The following RSF1 variants were observed in gnomAD, a reference collection of about 807,000 sequenced individuals.
RSF1 encodes HBV pX-associated protein 8.
Under a neutral mutation model 145.2 loss-of-function variants are expected in RSF1, and 13 were observed. The observed-to-expected ratio is 0.09, with a 90% CI of 0.06 to 0.14. The LOEUF (loss-of-function observed/expected upper bound fraction) is 0.14, where lower values mean the gene tolerates loss of function less well. RSF1 is among the 10% of genes least tolerant of loss of function. The probability of loss-of-function intolerance (pLI) is 1.00; values close to 1 mark genes in which losing one functional copy is unlikely to be tolerated. For missense variants in RSF1, 1,517 were observed against 1,718.2 expected (o/e 0.88, Z 2.07); for synonymous variants, 577 against 592.6 (o/e 0.97, Z 0.38).
chr11:77,770,120 A>C (rs182742695), intron 1 of RSF1, among the ~76,000 whole-genome samples: 1 of 152,200 alleles, frequency 6.6e-6, no homozygotes, highest in Non-Finnish European at 1.5e-5. Context: ...AAAAGCAAAG[A>C]AACAGCTCAA....
intron 1 of RSF1, among the ~76,000 whole-genome samples, chr11:77,802,994 G>A (rs1948640980): frequency 6.6e-6 from 1 of 152,106 alleles, no homozygotes; most frequent in Admixed American, 6.6e-5. Context: ...CTAGCAAACT[G>A]AATTCAGCAA....
intron 1 of RSF1, among the ~76,000 whole-genome samples, chr11:77,769,457 C>T (rs1948260408): frequency 6.6e-6 from 1 of 152,180 alleles, no homozygotes; most frequent in Admixed American, 6.6e-5. Flanking sequence ...ACTGAAATAT[C>T]CTCTACCTTT....
rs989430298 is a variant in RSF1, at chr11:77,734,468, C to A, written c.578+6263G>T. Reference sequence around the variant, plus strand: ...CACCCCACGGCTACGGGGAAATTAGCCGAGGCTTAGCTTTCATTATCACTG... The same window carrying A: ...CACCCCACGGCTACGGGGAAATTAGACGAGGCTTAGCTTTCATTATCACTG... On this transcript the variant is annotated intron_variant, in intron 4 of 15. Coordinates refer to ENST00000308488, the MANE Select transcript of RSF1 (RefSeq NM_016578.4). 2.5e-6 allele frequency: 4 copies of A among 1,584,548 alleles called. No homozygotes were observed. The African/African-American group carries it at 5.4e-5, about 21-fold the overall frequency.
chr11:77,690,588 T>C (rs1960127730), intron 9 of RSF1, among the ~76,000 whole-genome samples: 1 of 152,168 alleles, frequency 6.6e-6, no homozygotes, highest in South Asian at 2.1e-4. Flanking sequence ...TGCGACACCA[T>C]GCCCAGCTGA....
chr11:77,742,455 T>A (rs889758100), intron 3 of RSF1, among the ~76,000 whole-genome samples: 1 of 152,146 alleles, frequency 6.6e-6, no homozygotes, highest in Non-Finnish European at 1.5e-5. Context: ...AATTTTTGTA[T>A]TTTTAGTAGA....
intron 2 of RSF1, among the ~76,000 whole-genome samples, chr11:77,749,792 A>T (rs187271946): frequency 6.6e-6 from 1 of 152,306 alleles, no homozygotes; most frequent in Non-Finnish European, 1.5e-5. Context: ...TCTGTCGCCC[A>T]GGCTGGAGTG....
upstream of RSF1, among the ~76,000 whole-genome samples, chr11:77,825,201 C>G (rs1475369158): frequency 6.6e-6 from 1 of 151,924 alleles, no homozygotes; most frequent in Non-Finnish European, 1.5e-5. Context: ...CCAGGATGGT[C>G]TCGATCTCCT....
At chr11:77,869,847 G>C in the RSF1 span, 1 of 1,593,830 alleles carries the variant, frequency 6.3e-7, no homozygotes, top group Non-Finnish European at 8.6e-7. Context: ...GCATTCCTGA[G>C]GACAGGTGGG....
At chr11:77,775,504 T>C (rs112093087) in intron 1 of RSF1, among the ~76,000 whole-genome samples, 7 of 152,204 alleles carry the variant, frequency 4.6e-5, no homozygotes, top group African/African-American at 1.4e-4. Context: ...AATGCTCCCA[T>C]GGACATCTGT....
At chr11:77,679,878 C>A (rs1959812422) in intron 11 of RSF1, among the ~76,000 whole-genome samples, 1 of 152,024 alleles carries the variant, frequency 6.6e-6, no homozygotes, top group African/African-American at 2.4e-5. Flanking sequence ...TATAAAATGC[C>A]TTTTACTTCA....
Position 77,700,951 on chromosome 11 carries a change from C to G in RSF1, c.2278G>C (p.Glu760Gln). ...TTCTCCTCTTCCTTTTCTGTCTTCT[C>G]TTGCTTGTTTTCTGGTTCTAGAACT... Reference protein sequence around the residue: ...PKVLEPENKQEKTEKEEEKTN... With the variant: ...PKVLEPENKQQKTEKEEEKTN... Residue 760 changes from glutamate (E) to glutamine (Q), a missense_variant, in exon 6 of 16, where the codon GAG becomes CAG. Physicochemically the swap from Glu to Gln is conservative, Grantham distance 29. Transcript: ENST00000308488. The G allele has an allele frequency of 6.2e-7, 1 of 1,613,412 alleles. No individual in the cohort carries two copies. The highest frequency in any genetic ancestry group is 8.5e-7 in the Non-Finnish European group (1 of 1,179,978).
intron 1 of RSF1, among the ~76,000 whole-genome samples, chr11:77,777,670 T>A (rs1357688276): frequency 6.6e-6 from 1 of 152,030 alleles, no homozygotes; most frequent in African/African-American, 2.4e-5. Context: ...TTAATGACAT[T>A]TTTAAAAGAG....
the RSF1 span, chr11:77,872,150 A>C: frequency 6.2e-7 from 1 of 1,605,372 alleles, no homozygotes; most frequent in Non-Finnish European, 8.5e-7. Flanking sequence ...CCCCCTACTT[A>C]CTCATCTCTT....
chr11:77,684,804 A>G (rs1278757921), intron 10 of RSF1, among the ~76,000 whole-genome samples: 1 of 152,228 alleles, frequency 6.6e-6, no homozygotes, highest in East Asian at 1.9e-4. Flanking sequence ...CCTGGCCAAC[A>G]TGGTGAAACC....
At position 77,734,872 on chromosome 11, in the gene RSF1, A is replaced by G. The variant is rs577009773; in HGVS notation, c.578+5859T>C. 5.1e-6 allele frequency: 8 copies of G among 1,582,088 alleles called. No homozygotes were observed. The South Asian group carries it at 7.7e-5, about 15-fold the overall frequency. On this transcript the variant is annotated intron_variant, in intron 4 of 15. Coordinates refer to ENST00000308488, the MANE Select transcript of RSF1 (RefSeq NM_016578.4). ...AGATTGGTGAAGAAAGTATTTGGCA[A>G]AGTTCTTCAAAGCCACATCATCACG...
rs553670213 is a variant in RSF1 at position 77,727,610 on chromosome 11, G to T, written c.579-1911C>A. Among the ~76,000 whole-genome samples, 3 of 151,530 alleles carry T rather than the reference G, an allele frequency of 2.0e-5. No homozygotes were observed. In the South Asian group the frequency reaches 6.2e-4, roughly 32 times the overall value. ...TCCTGCCTCAGACTCCCGAGTAGCT[G>T]GGATTACAGGCACCCATCACCACGC... On this transcript the variant is annotated intron_variant, in intron 4 of 15. Coordinates refer to ENST00000308488, the MANE Select transcript of RSF1 (RefSeq NM_016578.4).
At chr11:77,765,918 T>C (rs1440555498) in intron 1 of RSF1, among the ~76,000 whole-genome samples, 2 of 152,130 alleles carry the variant, frequency 1.3e-5, no homozygotes, top group Non-Finnish European at 2.9e-5. Context: ...CGGCTAGTTT[T>C]TGCATTTTTA....
intron 13 of RSF1, 41 bp downstream of exon 13, chr11:77,676,751 G>A (rs1959712246): frequency 6.4e-7 from 1 of 1,571,494 alleles, no homozygotes; most frequent in African/African-American, 1.4e-5. Context: ...TCCTGTTCCT[G>A]CTGGTATCTA....
chr11:77,776,343 G>C (rs975263803), intron 1 of RSF1, among the ~76,000 whole-genome samples: 4 of 152,122 alleles, frequency 2.6e-5, no homozygotes, highest in African/African-American at 9.7e-5. Context: ...AAATTCTGCA[G>C]AACTATAAAC....
Sources: gnomAD v4.1 joint callset for allele counts (sites outside exome capture counted in the v4.1 genomes callset) on GRCh38, gnomAD v4.1.1 for gene constraint, MANE v1.5 for transcripts, NCBI Gene and HGNC (gene_info 2026-07-23, HGNC 2026-07-21) for gene names.